Variants in RBMS3 observed in about 807,000 individuals in gnomAD.
RBMS3 encodes the protein RNA binding motif single stranded interacting protein 3.
In RBMS3, 27 loss-of-function variants were observed where a neutral mutation model predicts 66.8. The ratio of observed to expected loss-of-function variants is 0.40; its 90% CI spans 0.30 to 0.56. The LOEUF (loss-of-function observed/expected upper bound fraction) is 0.56. RBMS3 is among the 20% of genes least tolerant of loss of function. The probability of loss-of-function intolerance (pLI) is 0.40; values close to 1 mark genes in which losing one functional copy is unlikely to be tolerated. For missense variants in RBMS3, 513 were observed against 549.5 expected (o/e 0.93, Z 0.66); for synonymous variants, 188 against 183.0 (o/e 1.03, Z -0.22).
intron 2 of RBMS3, among the ~76,000 whole-genome samples, chr3:29,444,946 T>C (rs2125746749): frequency 6.6e-6 from 1 of 151,716 alleles, no homozygotes; most frequent in Admixed American, 6.6e-5. Context: ...GTAACTCCTC[T>C]TTCTTTCTTT....
At chr3:29,410,051 T>A (rs751604294) in intron 1 of RBMS3, among the ~76,000 whole-genome samples, 1 of 152,152 alleles carries the variant, frequency 6.6e-6, no homozygotes, top group Non-Finnish European at 1.5e-5. Context: ...CTCTCAACAT[T>A]TCAACATTCA....
chr3:29,369,293 A>G (rs1305352751), intron 1 of RBMS3, among the ~76,000 whole-genome samples: 1 of 152,022 alleles, frequency 6.6e-6, no homozygotes, highest in African/African-American at 2.4e-5. Flanking sequence ...GAATCTGCAC[A>G]TGTATGCCTG....
At chr3:29,844,265 G>GT (rs906584076) in intron 6 of RBMS3, among the ~76,000 whole-genome samples, 2 of 151,900 alleles carry the variant, frequency 1.3e-5, no homozygotes, top group Non-Finnish European at 2.9e-5. Flanking sequence ...GTTTTGTTTT[G>GT]TTTGTGCCTA....
chr3:29,896,618 T>C (rs2060128741), intron 8 of RBMS3, among the ~76,000 whole-genome samples: 1 of 151,544 alleles, frequency 6.6e-6, no homozygotes, highest in Admixed American at 6.6e-5. Flanking sequence ...GACTCTACAG[T>C]ATAGTCTGAG....
At chr3:29,459,787 T>C (rs538592668) in intron 2 of RBMS3, among the ~76,000 whole-genome samples, 1 of 152,324 alleles carries the variant, frequency 6.6e-6, no homozygotes, top group East Asian at 1.9e-4. Context: ...ATATAGGCCC[T>C]TTGGGTAAGT....
At chr3:29,750,497 T>C (rs2149364853) in intron 5 of RBMS3, among the ~76,000 whole-genome samples, 1 of 152,342 alleles carries the variant, frequency 6.6e-6, no homozygotes, top group East Asian at 1.9e-4. Context: ...AAGAATCTCA[T>C]ATAATTTTGG....
chr3:29,360,205 C>T (rs2125578995), intron 1 of RBMS3, among the ~76,000 whole-genome samples: 1 of 151,162 alleles, frequency 6.6e-6, no homozygotes, highest in Non-Finnish European at 1.5e-5. Context: ...TTTCCCTCTA[C>T]ACACTGCTTT....
chr3:29,678,688 T>A (rs2051358931), intron 4 of RBMS3, among the ~76,000 whole-genome samples: 1 of 152,124 alleles, frequency 6.6e-6, no homozygotes, highest in African/African-American at 2.4e-5. Flanking sequence ...GAGGAGGCAG[T>A]CACCCAAGAA....
intron 2 of RBMS3, among the ~76,000 whole-genome samples, chr3:29,459,030 A>C (rs1401427240): frequency 1.3e-5 from 2 of 152,106 alleles, no homozygotes; most frequent in African/African-American, 2.4e-5. Flanking sequence ...TCTTGTTCTT[A>C]CTCTCTTACC....
intron 1 of RBMS3, among the ~76,000 whole-genome samples, chr3:29,364,679 A>G (rs1402405898): frequency 2.6e-5 from 4 of 152,168 alleles, no homozygotes; most frequent in East Asian, 3.8e-4. Flanking sequence ...GAGTAGCCCA[A>G]TCTCGGCAGC....
At chr3:29,952,058 A>C (rs1695715428) in intron 12 of RBMS3, among the ~76,000 whole-genome samples, 1 of 151,836 alleles carries the variant, frequency 6.6e-6, no homozygotes, top group Non-Finnish European at 1.5e-5. Context: ...CAACAGTTTT[A>C]AGGAGACATT....
At chr3:29,889,425 A>C (rs756715718) in intron 8 of RBMS3, among the ~76,000 whole-genome samples, 7 of 151,708 alleles carry the variant, frequency 4.6e-5, no homozygotes, top group Non-Finnish European at 1.0e-4. Context: ...GTTAAGAGTG[A>C]AAACTTCAGA....
chr3:29,728,145 G>A (rs1001610541), intron 4 of RBMS3, among the ~76,000 whole-genome samples: 8 of 151,484 alleles, frequency 5.3e-5, no homozygotes, highest in African/African-American at 1.9e-4. Flanking sequence ...TTATAAATGG[G>A]AGTTGAACCA....
rs548042935 is a variant in RBMS3, at chr3:29,508,592, G to A, written c.307+20093G>A. Among the ~76,000 whole-genome samples, 307 of 152,180 alleles carry A rather than the reference G, an allele frequency of 2.0e-3. 2 individuals carry two copies. The highest frequency in any genetic ancestry group is 2.3e-3 in the Non-Finnish European group (159 of 68,006). ...ATATATGCCAAATTTTCTTTATCCA[G>A]TCTATCATTGATGGGCATTTGGGCT... On this transcript the variant is annotated intron_variant, in intron 3 of 14. Transcript: ENST00000383767.
chr3:29,714,738 G>C (rs1354130478), intron 4 of RBMS3, among the ~76,000 whole-genome samples: 2 of 128,454 alleles, frequency 1.6e-5, no homozygotes, highest in Non-Finnish European at 3.3e-5. Flanking sequence ...AGATGCATGT[G>C]CACACATGTA....
At chr3:29,975,575 C>A (rs547146958) in intron 12 of RBMS3, among the ~76,000 whole-genome samples, 1 of 151,842 alleles carries the variant, frequency 6.6e-6, no homozygotes, top group South Asian at 2.1e-4. Flanking sequence ...ATAAATTTTT[C>A]ATTGTCTTGT....
chr3:29,557,235 C>A (rs1002980137), intron 3 of RBMS3, among the ~76,000 whole-genome samples: 1 of 152,174 alleles, frequency 6.6e-6, no homozygotes, highest in Non-Finnish European at 1.5e-5. Flanking sequence ...TAAATATACC[C>A]TCTGAGAGAG....
At chr3:29,776,651 G>T (rs2056437642) in intron 6 of RBMS3, among the ~76,000 whole-genome samples, 2 of 151,950 alleles carry the variant, frequency 1.3e-5, no homozygotes, top group African/African-American at 2.4e-5. Flanking sequence ...AGCATTATTA[G>T]TGGCATCTGT....
chr3:29,748,549 T>C (rs372008905), intron 5 of RBMS3, among the ~76,000 whole-genome samples: 15 of 152,302 alleles, frequency 9.8e-5, no homozygotes, highest in Middle Eastern at 3.4e-3. Context: ...TGGTTCTTTG[T>C]ATCACAGATT....
Sources: gnomAD v4.1 joint callset for allele counts (sites outside exome capture counted in the v4.1 genomes callset) on GRCh38, gnomAD v4.1.1 for gene constraint, MANE v1.5 for transcripts, NCBI Gene and HGNC (gene_info 2026-07-23, HGNC 2026-07-21) for gene names.